FKBP5: variants seen among roughly 807,000 people sequenced by gnomAD.
FKBP5 encodes the protein FKBP prolyl isomerase 5.
Under a neutral mutation model 50.5 loss-of-function variants are expected in FKBP5, and 23 were observed. That is an observed-to-expected ratio of 0.46 (90% CI 0.33 to 0.65). The LOEUF (loss-of-function observed/expected upper bound fraction) is 0.65. FKBP5 is among the 30% of genes least tolerant of loss of function. The probability of loss-of-function intolerance (pLI) is 0.02; values close to 1 mark genes in which losing one functional copy is unlikely to be tolerated. For synonymous variants in FKBP5, 176 were observed against 190.6 expected (o/e 0.92, Z 0.63); for missense variants, 411 against 553.1 (o/e 0.74, Z 2.58).
At chr6:35,628,375 T>A (rs1764061026) in intron 3 of FKBP5, among the ~76,000 whole-genome samples, 1 of 152,104 alleles carries the variant, frequency 6.6e-6, no homozygotes, top group Admixed American at 6.5e-5. Context: ...AGAAAAAAAA[T>A]TACTTTTTCA....
chr6:35,583,984 CAGG>C, intron 8 of FKBP5: 1 of 985,272 alleles, frequency 1.0e-6, no homozygotes, highest in South Asian at 4.7e-5. Flanking sequence ...GCTTTCTTCC[CAGG>C]AGAAGCACAA....
intron 10 of FKBP5, among the ~76,000 whole-genome samples, chr6:35,576,698 A>T (rs1487567927): frequency 6.7e-6 from 1 of 149,022 alleles, no homozygotes; most frequent in Non-Finnish European, 1.5e-5. Context: ...GGGCGGGGGG[A>T]GTTGGTGCAA....
chr6:35,679,387 AC>A (rs1765608373), intron 1 of FKBP5, among the ~76,000 whole-genome samples: 2 of 152,220 alleles, frequency 1.3e-5, no homozygotes, highest in African/African-American at 4.8e-5. Flanking sequence ...AGTGAAATGG[AC>A]CATAAAAGGG....
chr6:35,681,953 T>C (rs1292852125), intron 1 of FKBP5, among the ~76,000 whole-genome samples: 1 of 152,134 alleles, frequency 6.6e-6, no homozygotes, highest in African/African-American at 2.4e-5. Context: ...ATAAAGTTCA[T>C]AGTGAAAGTA....
rs775037658 is a variant in FKBP5, at chr6:35,591,148, T to C, written c.738A>G (p.Thr246=). The C allele has an allele frequency of 6.2e-7, 1 of 1,611,656 alleles. No homozygotes were observed. The highest frequency in any genetic ancestry group is 1.1e-5 in the South Asian group (1 of 90,540). The change falls in exon 7 of 11, where the codon ACA becomes ACG. Residue 246 remains threonine, a synonymous_variant. Transcript: ENST00000357266. ...TTCTCACCTTTTCGAAGCTCTTAAGTGTAACTTCATATATAAGCTCAGCAT... is the reference window on the plus strand; with the variant it reads ...TTCTCACCTTTTCGAAGCTCTTAAGCGTAACTTCATATATAAGCTCAGCAT... ...EPNAELIYEV[T]LKSFEKAKES...
chr6:35,640,363 G>T (rs1764448550), intron 2 of FKBP5, among the ~76,000 whole-genome samples: 2 of 151,998 alleles, frequency 1.3e-5, no homozygotes, highest in Non-Finnish European at 1.5e-5. Context: ...TCTCAACATA[G>T]AAAAAGGTAC....
intron 1 of FKBP5, among the ~76,000 whole-genome samples, chr6:35,644,038 G>A (rs1019768324): frequency 2.0e-5 from 3 of 152,150 alleles, no homozygotes; most frequent in African/African-American, 7.2e-5. Context: ...CCTTACCTAT[G>A]TGATTAGAAT....
intron 6 of FKBP5, among the ~76,000 whole-genome samples, chr6:35,593,204 A>C (rs571811967): frequency 1.3e-5 from 2 of 152,302 alleles, no homozygotes; most frequent in East Asian, 3.9e-4. Context: ...GAAAAACAAA[A>C]CACCACAAGA....
chr6:35,662,120 A>G (rs1229122954), intron 1 of FKBP5, among the ~76,000 whole-genome samples: 1 of 152,080 alleles, frequency 6.6e-6, no homozygotes, highest in African/African-American at 2.4e-5. Flanking sequence ...CTGATCTCAA[A>G]TTCTTGGGCT....
intron 7 of FKBP5, among the ~76,000 whole-genome samples, chr6:35,590,190 T>C (rs887804538): frequency 8.6e-5 from 13 of 152,018 alleles, no homozygotes; most frequent in African/African-American, 2.9e-4. Context: ...TCCCAGCTAC[T>C]TGGAAGGCTG....
chr6:35,718,293 G>T (rs181216871), intron 2 of FKBP5, among the ~76,000 whole-genome samples: 1 of 152,350 alleles, frequency 6.6e-6, no homozygotes, highest in East Asian at 1.9e-4. Flanking sequence ...TCTGCAAGCT[G>T]CCTCCCGCAT....
intron 5 of FKBP5, among the ~76,000 whole-genome samples, chr6:35,600,521 T>C (rs1763115281): frequency 6.7e-6 from 1 of 148,370 alleles, no homozygotes; most frequent in African/African-American, 2.5e-5. Context: ...GCCCAAGAAA[T>C]TTAGACTAAT....
intron 2 of FKBP5, among the ~76,000 whole-genome samples, 160 bp from the exon 3 acceptor site, chr6:35,637,318 T>C (rs1046574241): frequency 2.3e-4 from 35 of 152,212 alleles, no homozygotes; most frequent in African/African-American, 7.5e-4. Context: ...CAATAACTCA[T>C]TGTTAGAAAA....
intron 7 of FKBP5, among the ~76,000 whole-genome samples, chr6:35,590,033 C>T (rs1762764294): frequency 6.6e-6 from 1 of 152,206 alleles, no homozygotes; most frequent in African/African-American, 2.4e-5. Context: ...CACAGTGGCT[C>T]ACCCCTACAA....
chr6:35,590,701 C>A (rs1468372358), intron 7 of FKBP5, among the ~76,000 whole-genome samples: 2 of 152,078 alleles, frequency 1.3e-5, no homozygotes, highest in Non-Finnish European at 2.9e-5. Context: ...AGCCACAGTG[C>A]AGGCCTCTTC....
At chr6:35,709,615 A>G (rs1186602155) in intron 2 of FKBP5, among the ~76,000 whole-genome samples, 1 of 152,242 alleles carries the variant, frequency 6.6e-6, no homozygotes, top group Non-Finnish European at 1.5e-5. Flanking sequence ...AGAAATCAAC[A>G]TAGTTTGATG....
intron 1 of FKBP5, among the ~76,000 whole-genome samples, chr6:35,648,434 T>A (rs891799886): frequency 1.4e-5 from 2 of 145,686 alleles, no homozygotes; most frequent in Non-Finnish European, 3.0e-5. Flanking sequence ...ACACCTAATG[T>A]TTTTTTTTTA....
At chr6:35,684,013 C>T (rs1216641110) in intron 1 of FKBP5, among the ~76,000 whole-genome samples, 2 of 151,918 alleles carry the variant, frequency 1.3e-5, no homozygotes, top group African/African-American at 2.4e-5. Context: ...GAGACTGTAC[C>T]GCTGCACTCC....
intron 5 of FKBP5, among the ~76,000 whole-genome samples, chr6:35,608,606 G>A (rs1393844609): frequency 3.9e-5 from 6 of 152,184 alleles, no homozygotes; most frequent in East Asian, 3.8e-4. Flanking sequence ...AGGATGGCTT[G>A]AGGGCAGGAA....
Sources: gnomAD v4.1 joint callset for allele counts (sites outside exome capture counted in the v4.1 genomes callset) on GRCh38, gnomAD v4.1.1 for gene constraint, MANE v1.5 for transcripts, NCBI Gene and HGNC (gene_info 2026-07-23, HGNC 2026-07-21) for gene names.